The following ARHGAP44 variants were observed in gnomAD, a reference collection of about 807,000 sequenced individuals.
ARHGAP44 encodes the protein Rho GTPase activating protein 44, also known as rho GTPase-activating protein 44.
Under a neutral mutation model 106.8 loss-of-function variants are expected in ARHGAP44, and 43 were observed. The ratio of observed to expected loss-of-function variants is 0.40; its 90% CI spans 0.32 to 0.52. The LOEUF (loss-of-function observed/expected upper bound fraction) is 0.52, where lower values mean the gene tolerates loss of function less well. ARHGAP44 is among the 20% of genes least tolerant of loss of function. The pLI, the probability that ARHGAP44 is intolerant of heterozygous loss-of-function variation, is 0.48. For missense variants in ARHGAP44, 866 were observed against 1,050.5 expected (o/e 0.82, Z 2.43); for synonymous variants, 439 against 410.3 (o/e 1.07, Z -0.85).
At chr17:12,904,231 C>A (rs144229793) in intron 3 of ARHGAP44, among the ~76,000 whole-genome samples, 3 of 152,102 alleles carry the variant, frequency 2.0e-5, no homozygotes, top group African/African-American at 7.2e-5. Flanking sequence ...CTCAGCCTCC[C>A]GAGTAGCTGG....
chr17:12,907,016 G>A (rs1300734829), intron 3 of ARHGAP44, among the ~76,000 whole-genome samples: 1 of 152,122 alleles, frequency 6.6e-6, no homozygotes, highest in African/African-American at 2.4e-5. Flanking sequence ...AATGTTCTAT[G>A]AGAGCAGTGT....
chr17:12,844,314 G>A (rs747963060), intron 1 of ARHGAP44, among the ~76,000 whole-genome samples: 2 of 152,278 alleles, frequency 1.3e-5, no homozygotes, highest in Admixed American at 6.5e-5. Flanking sequence ...CCTTCTTGCT[G>A]CATCATAACA....
At chr17:12,886,987 T>A (rs1202606348) in intron 1 of ARHGAP44, among the ~76,000 whole-genome samples, 1 of 149,456 alleles carries the variant, frequency 6.7e-6, no homozygotes, top group East Asian at 2.0e-4. Context: ...TTTTTTTTTT[T>A]ACCATGAATG....
At chr17:12,988,668 G>C (rs1450653187) in intron 20 of ARHGAP44, 1 of 152,270 alleles carries the variant, frequency 6.6e-6, no homozygotes, top group Non-Finnish European at 1.5e-5. Flanking sequence ...TTTCAGGACA[G>C]TGTCCAAATG....
At chr17:12,888,268 T>A (rs1262591807) in intron 1 of ARHGAP44, among the ~76,000 whole-genome samples, 1 of 152,204 alleles carries the variant, frequency 6.6e-6, no homozygotes, top group Non-Finnish European at 1.5e-5. Context: ...CAGCACAACT[T>A]TGGTTGTGCC....
intron 6 of ARHGAP44, 127 bp downstream of exon 6, chr17:12,919,958 G>A (rs1476745315): frequency 1.5e-5 from 10 of 686,264 alleles, no homozygotes; most frequent in Non-Finnish European, 2.5e-5. Context: ...ACGTGTACCA[G>A]GCACTGGAGG....
chr17:12,821,981 G>A (rs1047362506), intron 1 of ARHGAP44, among the ~76,000 whole-genome samples: 1 of 152,166 alleles, frequency 6.6e-6, no homozygotes, highest in African/African-American at 2.4e-5. Context: ...TAGTCCTAGT[G>A]TTGGATGGGC....
intron 1 of ARHGAP44, among the ~76,000 whole-genome samples, chr17:12,831,265 G>A (rs1369877782): frequency 6.6e-6 from 1 of 152,172 alleles, no homozygotes; most frequent in East Asian, 1.9e-4. Flanking sequence ...AGACTTGGCT[G>A]CCGGACTCCA....
In ARHGAP44 at chr17:12,990,723, G is replaced by A. The variant is rs1431678428; in HGVS notation, c.*552G>A. On this transcript the variant is annotated 3_prime_UTR_variant, in exon 21 of 21. Transcript: ENST00000379672. ...GCTACCTGGGGGAGGGCTTGCCACT[G>A]GAAAACCTTTCAGGCCGCCCCCATC... is the stretch of plus-strand genomic sequence containing the variant. 1 of 152,456 alleles carries A rather than the reference G, an allele frequency of 6.6e-6. No individual in the cohort carries two copies. Among genetic ancestry groups the A allele is most frequent in the Admixed American group, 6.5e-5 (1 of 15,324 alleles). The allele number at this position is 152,456 out of a possible 1,614,324, so 9.4% of individuals were successfully genotyped here.
rs549950084 is a variant in ARHGAP44, at chr17:12,891,087, A to G, written c.54-3853A>G. Among the ~76,000 whole-genome samples the G allele has an allele frequency of 3.3e-5, 5 of 152,168 alleles. No individual in the cohort carries two copies. The South Asian group carries it at 1.0e-3, about 32-fold the overall frequency. ...CATTGTGATCATTAATATCTAAGTA[A>G]CCTCTAAGAAGTTTTACCCTTCATA... is the stretch of plus-strand genomic sequence containing the variant. On this transcript the variant is annotated intron_variant, in intron 1 of 20. Transcript: ENST00000379672.
intron 6 of ARHGAP44, among the ~76,000 whole-genome samples, chr17:12,927,681 T>A (rs1437145800): frequency 6.6e-6 from 1 of 152,156 alleles, no homozygotes; most frequent in Non-Finnish European, 1.5e-5. Flanking sequence ...CTCAGCCCCA[T>A]CAGCTGGAGC....
At chr17:12,853,593 G>A (rs948400090) in intron 1 of ARHGAP44, among the ~76,000 whole-genome samples, 7 of 152,182 alleles carry the variant, frequency 4.6e-5, no homozygotes, top group South Asian at 2.1e-4. Flanking sequence ...GGGCAGGAGC[G>A]AGGCGTCCTA....
chr17:12,968,041 C>G (rs542639692), intron 16 of ARHGAP44, among the ~76,000 whole-genome samples: 1 of 152,118 alleles, frequency 6.6e-6, no homozygotes, highest in African/African-American at 2.4e-5. Flanking sequence ...GAGCATTGAA[C>G]GAAATATTGC....
chr17:12,871,077 G>T (rs774149267), intron 1 of ARHGAP44, among the ~76,000 whole-genome samples: 1 of 151,880 alleles, frequency 6.6e-6, no homozygotes, highest in African/African-American at 2.4e-5. Flanking sequence ...ACATAGTTTG[G>T]CCTTCTATGC....
chr17:12,800,440 G>A (rs2034055992), intron 1 of ARHGAP44, among the ~76,000 whole-genome samples: 1 of 152,188 alleles, frequency 6.6e-6, no homozygotes, highest in South Asian at 2.1e-4. Flanking sequence ...CCAGTGGAGG[G>A]TTGGAGGCAG....
intron 6 of ARHGAP44, among the ~76,000 whole-genome samples, chr17:12,925,424 G>A (rs1344487351): frequency 2.0e-5 from 3 of 152,192 alleles, no homozygotes; most frequent in African/African-American, 7.2e-5. Context: ...CCATGGCAGA[G>A]GAAGGGGCAA....
At chr17:12,868,956 A>G (rs2036324032) in intron 1 of ARHGAP44, among the ~76,000 whole-genome samples, 1 of 151,782 alleles carries the variant, frequency 6.6e-6, no homozygotes, top group African/African-American at 2.4e-5. Context: ...CGCCCAACAT[A>G]TATATATATT....
At chr17:12,893,647 G>T (rs142185088) in intron 1 of ARHGAP44, among the ~76,000 whole-genome samples, 50 of 152,302 alleles carry the variant, frequency 3.3e-4, no homozygotes, top group African/African-American at 1.2e-3. Flanking sequence ...AGCCTGGTAG[G>T]AGTAGAAGTC....
chr17:12,965,825 T>C (rs10521205), intron 16 of ARHGAP44, among the ~76,000 whole-genome samples: 15,272 of 152,194 alleles, frequency 0.1, 894 homozygotes, highest in South Asian at 0.2. Context: ...GGATGTCCTC[T>C]GTAGATCCTG....
Sources: allele counts gnomAD v4.1 joint callset (sites outside exome capture counted in the v4.1 genomes callset), GRCh38; gene constraint gnomAD v4.1.1; transcripts MANE v1.5; gene names NCBI Gene and HGNC (gene_info 2026-07-23, HGNC 2026-07-21).